Variants in SNED1 observed in about 807,000 individuals in gnomAD.
SNED1 encodes sushi, nidogen and EGF-like domain-containing protein 1.
In SNED1, 81 loss-of-function variants were observed where a neutral mutation model predicts 166.7. The observed-to-expected ratio is 0.49, with a 90% confidence interval of 0.41 to 0.58. The LOEUF (loss-of-function observed/expected upper bound fraction) is 0.58. SNED1 is among the 20% of genes least tolerant of loss of function. SNED1 has a pLI of 0.00. For missense variants in SNED1, 1,604 were observed against 2,000.2 expected (o/e 0.80, Z 3.78); for synonymous variants, 762 against 822.0 (o/e 0.93, Z 1.25).
At chr2:241,047,360 G>T (rs971405774) in intron 8 of SNED1, among the ~76,000 whole-genome samples, 14 of 152,082 alleles carry the variant, frequency 9.2e-5, no homozygotes, top group Admixed American at 5.2e-4. Context: ...TGAAGCAAAA[G>T]CTGACTGAAC....
chr2:241,066,355 C>A (rs185137434), intron 21 of SNED1, among the ~76,000 whole-genome samples: 1 of 152,176 alleles, frequency 6.6e-6, no homozygotes, highest in East Asian at 1.9e-4. Flanking sequence ...GAGAAAGGAG[C>A]CCTAGAACAT....
intron 1 of SNED1, among the ~76,000 whole-genome samples, chr2:241,026,283 TG>T (rs2060967602): frequency 6.6e-6 from 1 of 152,194 alleles, no homozygotes; most frequent in Non-Finnish European, 1.5e-5. Flanking sequence ...CCCAAAGTGC[TG>T]GGATTATAGG....
intron 17 of SNED1, 48 bp downstream of exon 17, chr2:241,062,952 C>T (rs374947928): frequency 1.9e-5 from 24 of 1,260,544 alleles, no homozygotes; most frequent in Non-Finnish European, 2.6e-5. Flanking sequence ...AGCACACTGG[C>T]CATGTGCCTG....
At chr2:241,048,823 A>G in intron 10 of SNED1, 57 bp downstream of exon 10, 2 of 1,436,696 alleles carry the variant, frequency 1.4e-6, no homozygotes, top group Non-Finnish European at 1.9e-6. Flanking sequence ...TAATCGGGAA[A>G]TGAATGGTGG....
chr2:241,042,267 G>A (rs1338095300), intron 8 of SNED1, among the ~76,000 whole-genome samples: 1 of 152,154 alleles, frequency 6.6e-6, no homozygotes, highest in African/African-American at 2.4e-5. Context: ...AACACTTCCT[G>A]GAGCTCAAAC....
rs2062813189 is a variant in SNED1, at chr2:241,073,051, G to A, written c.3818-215G>A. The A allele has an allele frequency of 4.7e-5, 26 of 552,068 alleles. 1 individual carries two copies. The South Asian group carries it at 6.7e-4, about 14-fold the overall frequency. The allele number at this position is 552,068 out of a possible 1,614,324, so 34.2% of individuals were successfully genotyped here. A position where few individuals can be genotyped will look rare whatever the true frequency, so the allele number is the denominator to read the frequency against. On this transcript the variant is annotated intron_variant, in intron 26 of 31. Coordinates refer to ENST00000310397, the MANE Select transcript of SNED1 (RefSeq NM_001080437.3). This position sits in a 1 kb window ranked among gnomAD's most constrained non-coding sequence, Gnocchi z 6.6. ...CTCTGAGGGGGCCCTGCAAGGGGAA[G>A]GCCGAGCCCCTCCAGAGGGTCAGCA... is the stretch of plus-strand genomic sequence containing the variant.
At chr2:241,036,767 C>T in intron 4 of SNED1, 23 bp from the exon 5 acceptor site, 1 of 1,604,374 alleles carries the variant, frequency 6.2e-7, no homozygotes, top group Non-Finnish European at 8.5e-7. Context: ...GGCTGAGGCT[C>T]CAGCCCCTCC....
intron 8 of SNED1, among the ~76,000 whole-genome samples, chr2:241,045,426 C>T (rs998854437): frequency 2.0e-5 from 3 of 152,132 alleles, no homozygotes; most frequent in Non-Finnish European, 4.4e-5. Flanking sequence ...GTGATCAATT[C>T]AGTGTGATAT....
chr2:241,087,041 G>A (rs112035079), intron 29 of SNED1: 13 of 206,150 alleles, frequency 6.3e-5, no homozygotes, highest in African/African-American at 2.5e-4. Flanking sequence ...AGAAAAGCGA[G>A]GCCATACCTT....
intron 8 of SNED1, among the ~76,000 whole-genome samples, chr2:241,047,243 G>C (rs2061678433): frequency 2.0e-5 from 3 of 151,810 alleles, no homozygotes; most frequent in Admixed American, 2.0e-4. Context: ...CTTTAGAATG[G>C]GGAATACTGC....
chr2:241,033,676 CA>C, intron 2 of SNED1, 58 bp from the exon 3 acceptor site: 1 of 1,550,930 alleles, frequency 6.4e-7, no homozygotes, highest in African/African-American at 1.4e-5. Context: ...GTGGACAGGG[CA>C]GGGCTTCCCT....
chr2:241,087,724 A>G (rs1372553970), intron 30 of SNED1: 9 of 1,339,400 alleles, frequency 6.7e-6, no homozygotes, highest in South Asian at 2.1e-5. Context: ...GGTTATGCAT[A>G]TTCACACAGA....
chr2:241,057,434 A>T (rs188773392), intron 16 of SNED1, among the ~76,000 whole-genome samples: 1 of 145,086 alleles, frequency 6.9e-6, no homozygotes, highest in Non-Finnish European at 1.5e-5. Flanking sequence ...TGGCTCACAC[A>T]TATAATGGGA....
intron 29 of SNED1, among the ~76,000 whole-genome samples, chr2:241,083,201 G>A (rs930053284): frequency 6.6e-6 from 1 of 152,222 alleles, no homozygotes; most frequent in African/African-American, 2.4e-5. Flanking sequence ...GCCTCCTGGG[G>A]AGGGCGATGC....
intron 21 of SNED1, 51 bp downstream of exon 21, chr2:241,065,646 G>C: frequency 6.5e-7 from 1 of 1,530,594 alleles, no homozygotes; most frequent in Non-Finnish European, 8.9e-7. Flanking sequence ...CCCCTCGAGG[G>C]CAGCGCTGGC....
Position 241,013,316 on chromosome 2 carries a change from T to C in SNED1, c.213+14266T>C, listed in dbSNP as rs576724844. ...TCAACTTAATTTTCATTTTATTTATTTTATTTGAGAGACAGGGTCTCACTC... is the reference window on the plus strand; with the variant it reads ...TCAACTTAATTTTCATTTTATTTATCTTATTTGAGAGACAGGGTCTCACTC... On this transcript the variant is annotated intron_variant, in intron 1 of 31. Transcript: ENST00000310397. This position sits in a 1 kb window ranked among gnomAD's most constrained non-coding sequence, Gnocchi z 4.6. Among the ~76,000 whole-genome samples, 1 of 152,174 alleles carries C rather than the reference T, an allele frequency of 6.6e-6. No individual in the cohort carries two copies. The highest frequency in any genetic ancestry group is 2.1e-4 in the South Asian group (1 of 4,818).
intron 18 of SNED1, 50 bp from the exon 19 acceptor site, chr2:241,063,962 C>A: frequency 7.4e-7 from 1 of 1,348,214 alleles, no homozygotes. Context: ...CTCCTCCCTC[C>A]CCCAGACTCC....
At chr2:241,027,007 C>G (rs958912127) in intron 1 of SNED1, among the ~76,000 whole-genome samples, 1 of 152,056 alleles carries the variant, frequency 6.6e-6, no homozygotes, top group Non-Finnish European at 1.5e-5. Context: ...TAGTATTTGT[C>G]TTTCTGACTG....
chr2:241,067,454 C>T (rs376609392), intron 21 of SNED1, among the ~76,000 whole-genome samples: 143 of 152,334 alleles, frequency 9.4e-4, no homozygotes, highest in African/African-American at 2.5e-3. Flanking sequence ...AGAGGGACTC[C>T]GGCCCATCCC....
Sources: allele counts gnomAD v4.1 joint callset (sites outside exome capture counted in the v4.1 genomes callset), GRCh38; gene constraint gnomAD v4.1.1; non-coding constraint Gnocchi (gnomAD v3.1); transcripts MANE v1.5; gene names NCBI Gene and HGNC (gene_info 2026-07-23, HGNC 2026-07-21).